RAB32: variants seen among roughly 807,000 people sequenced by gnomAD.
The protein encoded by RAB32 is ras-related protein Rab-32.
RAB32 carries 17 observed loss-of-function variants against 17.5 expected under a neutral mutation model. That is an observed-to-expected ratio of 0.97 (90% CI 0.67 to 1.46). RAB32 has a LOEUF of 1.46. RAB32 is among the 40% of genes most tolerant of loss of function. The pLI is 0.00. For synonymous variants in RAB32, 115 were observed against 111.1 expected, an observed-to-expected ratio of 1.04 and a Z score of -0.22; for missense variants, 288 against 284.3, an observed-to-expected ratio of 1.01 and a Z score of -0.09.
chr6:146,546,865 G>A (rs1266176087), intron 1 of RAB32, among the ~76,000 whole-genome samples: 1 of 141,676 alleles, frequency 7.1e-6, no homozygotes, highest in East Asian at 2.2e-4. Flanking sequence ...ATGCTTGAAA[G>A]CTGTGGCAAG....
chr6:146,546,124 G>GT (rs1779816182), intron 1 of RAB32, among the ~76,000 whole-genome samples: 2 of 152,030 alleles, frequency 1.3e-5, no homozygotes, highest in Non-Finnish European at 2.9e-5. Context: ...GTCATATCTA[G>GT]TTTTTTATCA....
chr6:146,545,696 C>T (rs917282119), intron 1 of RAB32, among the ~76,000 whole-genome samples: 2 of 152,120 alleles, frequency 1.3e-5, no homozygotes, highest in African/African-American at 4.8e-5. Flanking sequence ...ACCAAAAGTT[C>T]GTTTGAAAAG....
intron 1 of RAB32, 152 bp from the exon 2 acceptor site, chr6:146,549,312 C>G: frequency 3.1e-6 from 2 of 650,898 alleles, no homozygotes; most frequent in Non-Finnish European, 2.6e-6. Context: ...GGGTCATGGT[C>G]TGTATGGATA....
chr6:146,544,211 T>A, intron 1 of RAB32, 90 bp downstream of exon 1: 1 of 1,447,134 alleles, frequency 6.9e-7, no homozygotes, highest in South Asian at 1.4e-5. Flanking sequence ...CTGCCTGAAC[T>A]CGTCTGCCTG....
At chr6:146,546,334 G>T (rs145783644) in intron 1 of RAB32, among the ~76,000 whole-genome samples, 9 of 151,808 alleles carry the variant, frequency 5.9e-5, no homozygotes, top group South Asian at 2.1e-4. Flanking sequence ...TAAATTTATA[G>T]AAATTATTAG....
At chr6:146,551,146 G>A (rs1226347597) in intron 2 of RAB32, among the ~76,000 whole-genome samples, 1 of 152,168 alleles carries the variant, frequency 6.6e-6, no homozygotes, top group Non-Finnish European at 1.5e-5. Context: ...AAAAAAGACT[G>A]TCTACTGCAG....
At chr6:146,546,026 A>G (rs1225198533) in intron 1 of RAB32, among the ~76,000 whole-genome samples, 1 of 152,214 alleles carries the variant, frequency 6.6e-6, no homozygotes, top group East Asian at 1.9e-4. Context: ...AAACTTGAGA[A>G]AGTAAAAGCA....
rs9791300 is a variant in RAB32 at position 146,549,794 on chromosome 6, C to A, written c.528+53C>A. 1.3e-4 allele frequency: 206 copies of A among 1,550,630 alleles called. No individual in the cohort carries two copies. The highest frequency in any genetic ancestry group is 3.8e-4 in the East Asian group (17 of 44,426). On this transcript the variant is annotated intron_variant, in intron 2 of 2. Transcript: ENST00000367495. ...TTGCTTTCTAGCTCATAATTCTGAG[C>A]TGTAAATGTAAAGTATTTAGATATA...
In RAB32 at chr6:146,544,059, CCCTCAAGGT is replaced by C; in HGVS notation, c.195_203del (p.Lys65_Leu67del). 6.2e-7 allele frequency: 1 copy of C among 1,613,920 alleles called. No homozygotes were observed. Among genetic ancestry groups the C allele is most frequent in the Non-Finnish European group, 8.5e-7 (1 of 1,179,956 alleles). Reference sequence around the variant, plus strand: ...CGGGCCACCATCGGGGTGGACTTCGCCCTCAAGGTCCTCAACTGGGACAGCAGGACTCTG... The same window carrying C: ...CGGGCCACCATCGGGGTGGACTTCGCCCTCAACTGGGACAGCAGGACTCTG... On this transcript the variant is annotated inframe_deletion, in exon 1 of 3. Coordinates refer to ENST00000367495, the MANE Select transcript of RAB32 (RefSeq NM_006834.5).
intron 1 of RAB32, among the ~76,000 whole-genome samples, chr6:146,544,762 T>A (rs1341899576): frequency 9.5e-6 from 1 of 104,926 alleles, no homozygotes; most frequent in African/African-American, 3.9e-5. Context: ...CCATCCCTGG[T>A]GCCCTCGCCC....
At chr6:146,550,093 G>A (rs1583537062) in intron 2 of RAB32, among the ~76,000 whole-genome samples, 2 of 152,328 alleles carry the variant, frequency 1.3e-5, no homozygotes, top group South Asian at 4.1e-4. Context: ...AAGGCTAAGT[G>A]AATAGGAAGA....
chr6:146,550,616 C>T (rs1036648010), intron 2 of RAB32, among the ~76,000 whole-genome samples: 1 of 145,164 alleles, frequency 6.9e-6, no homozygotes, highest in African/African-American at 2.6e-5. Context: ...GAGATCATGC[C>T]ACTGCACTCC....
chr6:146,547,609 A>G lies in RAB32; in HGVS notation c.251-1855A>G, dbSNP rs968045509. 9.4e-4 allele frequency among the ~76,000 whole-genome samples: 142 copies of G among 151,560 alleles called. 2 individuals are homozygous for G. Among genetic ancestry groups the G allele is most frequent in the Admixed American group, 9.3e-3 (141 of 15,182 alleles). ...TCCTGATTGCCTTGCTGCATCTTATACTTTGTCGATTAGTATACCTAGTAA... is the reference window on the plus strand; with the variant it reads ...TCCTGATTGCCTTGCTGCATCTTATGCTTTGTCGATTAGTATACCTAGTAA... On this transcript the variant is annotated intron_variant, in intron 1 of 2. Coordinates refer to ENST00000367495, the MANE Select transcript of RAB32 (RefSeq NM_006834.5).
intron 2 of RAB32, among the ~76,000 whole-genome samples, chr6:146,551,986 G>A (rs1392774795): frequency 1.3e-5 from 2 of 152,164 alleles, no homozygotes; most frequent in Non-Finnish European, 2.9e-5. Flanking sequence ...AAGGCTTAAA[G>A]TACTGCCTAA....
chr6:146,544,166 G>T (rs1218980093), intron 1 of RAB32, 45 bp downstream of exon 1: 2 of 1,556,804 alleles, frequency 1.3e-6, no homozygotes, highest in South Asian at 1.2e-5. Flanking sequence ...CCGCCGGGCC[G>T]CCTGGCTCCT....
chr6:146,554,726 T>G lies in RAB32; in HGVS notation c.*121T>G. On this transcript the variant is annotated 3_prime_UTR_variant, in exon 3 of 3. Transcript: ENST00000367495. ...GTGGCACTTCAAAAGGCAGCACCAC[T>G]GGGCGCCTGCACTTATTTGAAAATG... is the stretch of plus-strand genomic sequence containing the variant. 1 of 1,093,956 alleles carries G rather than the reference T, an allele frequency of 9.1e-7. No individual in the cohort carries two copies. Among genetic ancestry groups the G allele is most frequent in the East Asian group, 2.5e-5 (1 of 40,324 alleles). The allele number at this position is 1,093,956 out of a possible 1,614,324, so 67.8% of individuals were successfully genotyped here. A position where few individuals can be genotyped will look rare whatever the true frequency, so the allele number is the denominator to read the frequency against.
intron 2 of RAB32, among the ~76,000 whole-genome samples, chr6:146,554,236 C>G (rs887311472): frequency 2.6e-5 from 4 of 152,026 alleles, no homozygotes; most frequent in Admixed American, 2.0e-4. Context: ...ATAGGAACAT[C>G]AGAAAAGGTG....
intron 2 of RAB32, among the ~76,000 whole-genome samples, chr6:146,552,973 T>G (rs1364086870): frequency 1.3e-5 from 2 of 152,216 alleles, no homozygotes; most frequent in African/African-American, 2.4e-5. Flanking sequence ...ATTACTGTAA[T>G]GGGTTCAACT....
intron 1 of RAB32, among the ~76,000 whole-genome samples, chr6:146,547,349 T>C (rs528300279): frequency 1.3e-5 from 2 of 152,170 alleles, no homozygotes; most frequent in Non-Finnish European, 2.9e-5. Context: ...TAGTATACTT[T>C]AGCCTTCATG....
Sources: allele counts gnomAD v4.1 joint callset (sites outside exome capture counted in the v4.1 genomes callset), GRCh38; gene constraint gnomAD v4.1.1; transcripts MANE v1.5; gene names NCBI Gene and HGNC (gene_info 2026-07-23, HGNC 2026-07-21).